The following OR7C1 variants were observed in gnomAD, a reference collection of about 807,000 sequenced individuals.
OR7C1 encodes olfactory receptor 7C1.
For missense variants in OR7C1, 324 were observed against 383.3 expected, an observed-to-expected ratio of 0.85 and a Z score of 1.29; for synonymous variants, 152 against 160.7, an observed-to-expected ratio of 0.95 and a Z score of 0.41.
At chr19:14,799,850 C>G in exon 5 of OR7C1, 3 of 1,614,048 alleles carry the variant, frequency 1.9e-6, no homozygotes, top group Non-Finnish European at 8.5e-7. Context: ...ACTGAGACAG[C>G]CTGCATATGT....
chr19:14,803,088 C>A (rs537148315), intron 2 of OR7C1, among the ~76,000 whole-genome samples: 1 of 151,960 alleles, frequency 6.6e-6, no homozygotes, highest in Non-Finnish European at 1.5e-5. Context: ...AGGTGGATCA[C>A]CTGAGGTCAG....
At chr19:14,804,170 G>A (rs551228040) in intron 2 of OR7C1, among the ~76,000 whole-genome samples, 51 of 152,116 alleles carry the variant, frequency 3.4e-4, no homozygotes, top group Non-Finnish European at 5.7e-4. Flanking sequence ...TAAGGCAAAG[G>A]CTGGAGTTGA....
chr19:14,803,886 T>G (rs1434357807), intron 2 of OR7C1, among the ~76,000 whole-genome samples: 4 of 151,996 alleles, frequency 2.6e-5, no homozygotes, highest in African/African-American at 7.2e-5. Flanking sequence ...ATTTTTTGTA[T>G]TTTTAGTAGA....
At chr19:14,810,040 C>T (rs1217546938) in intron 1 of OR7C1, 47 bp from the exon 2 acceptor site, 3 of 151,908 alleles carry the variant, frequency 2.0e-5, no homozygotes, top group Admixed American at 2.0e-4. Context: ...AGGCTGAATT[C>T]TCAGGGCTCC....
intron 1 of OR7C1, chr19:14,827,461 T>A: frequency 1.2e-6 from 2 of 1,614,052 alleles, no homozygotes; most frequent in Non-Finnish European, 1.7e-6. Context: ...GCAGCAGAAC[T>A]AAGGTACACC....
intron 1 of OR7C1, among the ~76,000 whole-genome samples, chr19:14,822,682 A>G (rs1230149945): frequency 6.6e-6 from 1 of 151,950 alleles, no homozygotes; most frequent in African/African-American, 2.4e-5. Flanking sequence ...GCACCCAGCC[A>G]CCTGCCTTTT....
At chr19:14,821,907 T>C (rs1340815350) in intron 1 of OR7C1, among the ~76,000 whole-genome samples, 3 of 152,234 alleles carry the variant, frequency 2.0e-5, no homozygotes, top group Admixed American at 2.0e-4. Flanking sequence ...TTCTTTCTAC[T>C]TCTATGAGTT....
At chr19:14,807,094 G>C (rs1194223912) in intron 2 of OR7C1, among the ~76,000 whole-genome samples, 1 of 151,888 alleles carries the variant, frequency 6.6e-6, no homozygotes, top group African/African-American at 2.4e-5. Context: ...GCATGAGATG[G>C]TATCTCATTG....
intron 1 of OR7C1, chr19:14,826,021 T>C (rs2044765071): frequency 6.6e-6 from 1 of 152,166 alleles, no homozygotes. Flanking sequence ...TTCAGATAAC[T>C]GTATTAAAAA....
chr19:14,812,489 C>T (rs2044695879), intron 1 of OR7C1, among the ~76,000 whole-genome samples: 1 of 152,150 alleles, frequency 6.6e-6, no homozygotes, highest in Non-Finnish European at 1.5e-5. Flanking sequence ...TCCACTCTGG[C>T]CACCAGTGCA....
chr19:14,829,707 A>T (rs892038169), intron 1 of OR7C1, among the ~76,000 whole-genome samples: 9 of 152,238 alleles, frequency 5.9e-5, no homozygotes, highest in Non-Finnish European at 1.2e-4. Context: ...AAGGTGTCAC[A>T]TCAATTGAAA....
chr19:14,830,381 A>G (rs1329683112), intron 1 of OR7C1, among the ~76,000 whole-genome samples: 1 of 152,208 alleles, frequency 6.6e-6, no homozygotes, highest in Non-Finnish European at 1.5e-5. Context: ...TAATAAACTC[A>G]GGTAATCCCT....
intron 1 of OR7C1, among the ~76,000 whole-genome samples, chr19:14,818,109 AGACGGAGTCTCGCTCTGTCCCC>A (rs2044724720): frequency 1.4e-5 from 1 of 70,680 alleles, no homozygotes; most frequent in Admixed American, 1.3e-4. Flanking sequence ...TTTATTTTTG[AGACGGAGTCTCGCTCTGTCCCC>A]TAGACTGGAG....
At chr19:14,818,962 G>T (rs572910533) in intron 1 of OR7C1, among the ~76,000 whole-genome samples, 1 of 151,906 alleles carries the variant, frequency 6.6e-6, no homozygotes, top group African/African-American at 2.4e-5. Context: ...CAACACGCAG[G>T]TTGGTTACAT....
intron 1 of OR7C1, chr19:14,828,376 T>A (rs2044796300): frequency 9.4e-7 from 1 of 1,061,256 alleles, no homozygotes; most frequent in African/African-American, 1.6e-5. Context: ...ATGAATCTGG[T>A]TCTCTTTAAG....
At chr19:14,815,893 C>T (rs2044714247) in intron 1 of OR7C1, among the ~76,000 whole-genome samples, 1 of 151,940 alleles carries the variant, frequency 6.6e-6, no homozygotes, top group South Asian at 2.1e-4. Context: ...GCAATCATGG[C>T]TCACTGCAGC....
rs2044718567 is a variant in OR7C1, at chr19:14,816,865, T to A, written c.-622-6872A>T. ...AGTAAAAATTAATCAAATAAATAAA[T>A]AATTGGGTTCACCTAATGTCTAACA... On this transcript the variant is annotated intron_variant, in intron 1 of 4. Transcript: ENST00000641666. 2.0e-5 allele frequency among the ~76,000 whole-genome samples: 3 copies of A among 152,004 alleles called. No homozygotes were observed. In the South Asian group the frequency reaches 6.2e-4, roughly 32 times the overall value.
chr19:14,828,128 A>G (rs2044792610), intron 1 of OR7C1: 2 of 1,614,164 alleles, frequency 1.2e-6, no homozygotes, highest in Non-Finnish European at 1.7e-6. Flanking sequence ...TCCCGAGCAC[A>G]GTGACCAGGT....
exon 5 of OR7C1, chr19:14,800,146 A>G: frequency 6.5e-7 from 1 of 1,546,290 alleles, no homozygotes; most frequent in Non-Finnish European, 8.7e-7. Flanking sequence ...TGGGGATAAA[A>G]TAACTGCCAC....
Sources: allele counts gnomAD v4.1 joint callset (sites outside exome capture counted in the v4.1 genomes callset), GRCh38; gene constraint gnomAD v4.1.1; transcripts MANE v1.5; gene names NCBI Gene and HGNC (gene_info 2026-07-23, HGNC 2026-07-21).